The following HS1BP3 variants were observed in gnomAD, a reference collection of about 807,000 sequenced individuals.
HS1BP3 encodes the protein HCLS1-binding protein 3.
In HS1BP3, 32 loss-of-function variants were observed where a neutral mutation model predicts 33.5. The observed-to-expected ratio is 0.95, with a 90% CI of 0.72 to 1.28. The LOEUF is 1.28. Among genes scored for constraint, HS1BP3 ranks in the 50% most tolerant of loss-of-function variants. The pLI is 0.00. For missense variants in HS1BP3, 486 were observed against 502.3 expected (o/e 0.97, Z 0.31); for synonymous variants, 187 against 209.2 (o/e 0.89, Z 0.92).
rs939597723 is a variant in HS1BP3 at position 20,647,948 on chromosome 2, G to C, written c.33-2443C>G. ...GCTGTGTACTGCTCCAGAGACCATC[G>C]GAGAACATCCTAGGCTTCGCTGTCA... On this transcript the variant is annotated intron_variant, in intron 1 of 6. Transcript: ENST00000304031. Among the ~76,000 whole-genome samples, 7 of 152,238 alleles carry C rather than the reference G, an allele frequency of 4.6e-5. No homozygotes were observed. In the South Asian group the frequency reaches 1.4e-3, roughly 32 times the overall value.
At chr2:20,569,886 G>A (rs1032441992) in intron 5 of HS1BP3, among the ~76,000 whole-genome samples, 1 of 151,698 alleles carries the variant, frequency 6.6e-6, no homozygotes, top group Admixed American at 6.6e-5. Context: ...GAAAAGGCAG[G>A]CAGGTGCTGC....
chr2:20,575,095 G>A (rs1009646669), intron 5 of HS1BP3, among the ~76,000 whole-genome samples: 3 of 152,210 alleles, frequency 2.0e-5, no homozygotes, highest in Non-Finnish European at 4.4e-5. Context: ...GACAAAGCCC[G>A]GGACTTTTCT....
chr2:20,628,844 G>A (rs937021234), intron 4 of HS1BP3, among the ~76,000 whole-genome samples: 2 of 152,110 alleles, frequency 1.3e-5, no homozygotes, highest in Non-Finnish European at 2.9e-5. Flanking sequence ...GTCTGCAGCG[G>A]GCGTGACTAG....
intron 5 of HS1BP3, among the ~76,000 whole-genome samples, chr2:20,581,756 G>C (rs1035149587): frequency 3.2e-4 from 49 of 152,308 alleles, no homozygotes; most frequent in African/African-American, 1.0e-3. Context: ...GTGTCAACTG[G>C]GCTGTGATCT....
Position 20,650,795 on chromosome 2 carries a change from C to T in HS1BP3, c.32+237G>A, listed in dbSNP as rs181387509. ...ACTGAACCAGTCAGTCCCAGGGCTC[C>T]CGCTGTCCTTGGCTAGTTCTCTACC... is the stretch of plus-strand genomic sequence containing the variant. On this transcript the variant is annotated intron_variant, in intron 1 of 6. Transcript: ENST00000304031. Among the ~76,000 whole-genome samples, 9 of 152,350 alleles carry T rather than the reference C, an allele frequency of 5.9e-5. 1 individual carries two copies. In the South Asian group the frequency reaches 8.3e-4, roughly 14 times the overall value.
chr2:20,591,441 A>C (rs1240169856), downstream of HS1BP3, among the ~76,000 whole-genome samples: 1 of 152,090 alleles, frequency 6.6e-6, no homozygotes, highest in Non-Finnish European at 1.5e-5. Flanking sequence ...AGCCACAAGC[A>C]CTCGGATTCT....
At chr2:20,634,424 G>GC (rs1393673502) in intron 4 of HS1BP3, among the ~76,000 whole-genome samples, 1 of 152,246 alleles carries the variant, frequency 6.6e-6, no homozygotes, top group African/African-American at 2.4e-5. Flanking sequence ...GGTGGTCTCT[G>GC]TTGCACTGGT....
chr2:20,638,783 C>G (rs188508714), intron 3 of HS1BP3, 131 bp from the exon 4 acceptor site: 3 of 696,608 alleles, frequency 4.3e-6, no homozygotes, highest in Non-Finnish European at 7.2e-6. Context: ...GGACCAAACT[C>G]GTCCCTCCTG....
chr2:20,635,848 A>G (rs919355238), intron 4 of HS1BP3: 1 of 152,190 alleles, frequency 6.6e-6, no homozygotes, highest in Non-Finnish European at 1.5e-5. Context: ...CTAATGGTGT[A>G]ATAACGCTCT....
chr2:20,566,987 G>A (rs1693144851), intron 5 of HS1BP3, among the ~76,000 whole-genome samples: 1 of 152,104 alleles, frequency 6.6e-6, no homozygotes, highest in Non-Finnish European at 1.5e-5. Flanking sequence ...CAAGGATTGA[G>A]TTTCTCCTAC....
intron 5 of HS1BP3, among the ~76,000 whole-genome samples, chr2:20,562,126 G>A (rs574273672): frequency 2.0e-5 from 3 of 152,166 alleles, no homozygotes; most frequent in Admixed American, 1.3e-4. Flanking sequence ...CCCATGCCTC[G>A]CCCTAGGCAT....
downstream of HS1BP3, among the ~76,000 whole-genome samples, chr2:20,614,353 G>A (rs1293061406): frequency 6.6e-6 from 1 of 152,206 alleles, no homozygotes; most frequent in Non-Finnish European, 1.5e-5. Context: ...TCCAGGAAAT[G>A]GAACAAAAGC....
At chr2:20,554,417 C>T in the HS1BP3 span, among the ~76,000 whole-genome samples, 4,381 of 152,292 alleles carry the variant, frequency 0.029, 114 homozygotes, top group Non-Finnish European at 0.046. Context: ...AACAAACACG[C>T]ACAAAGCTTA....
Position 20,611,143 on chromosome 2 carries a change from G to C in HS1BP3, c.178+12753C>G, listed in dbSNP as rs12999289. The stretch of plus-strand genomic sequence containing the variant: ...TGTTAGAGGGTTTTTCCTTTTTGAC[G>C]CTGCACAGCATTCCGCTGCATCCAT... On this transcript the variant is annotated intron_variant, in intron 2 of 3. Coordinates refer to the HS1BP3 transcript ENST00000415264. This position sits in a 1 kb window ranked among gnomAD's most constrained non-coding sequence, Gnocchi z 4.9. 1.3e-5 allele frequency among the ~76,000 whole-genome samples: 2 copies of C among 152,134 alleles called. No individual in the cohort carries two copies. Among genetic ancestry groups the C allele is most frequent in the Non-Finnish European group, 2.9e-5 (2 of 68,030 alleles).
intron 1 of HS1BP3, among the ~76,000 whole-genome samples, chr2:20,649,704 C>T (rs968885327): frequency 2.0e-5 from 3 of 152,140 alleles, no homozygotes; most frequent in African/African-American, 7.2e-5. Context: ...TGGGAAGGGC[C>T]GGCCTTGCTG....
intron 4 of HS1BP3, chr2:20,637,915 T>A (rs1039757400): frequency 6.1e-6 from 1 of 165,254 alleles, no homozygotes; most frequent in Non-Finnish European, 1.3e-5. Flanking sequence ...AAGAGGTTGA[T>A]ACGACCATGA....
chr2:20,559,258 T>C (rs1378357787), downstream of HS1BP3, among the ~76,000 whole-genome samples: 1 of 152,152 alleles, frequency 6.6e-6, no homozygotes, highest in Non-Finnish European at 1.5e-5. Context: ...TCCAGGCAGG[T>C]TGGAATTGCA....
chr2:20,651,050 G>C lies in HS1BP3; in HGVS notation c.14C>G (p.Ala5Gly). Residue 5 changes from alanine to glycine, a missense_variant, in exon 1 of 7, where the codon GCG becomes GGG. Transcript: ENST00000304031. ...GGCTCACCTGGAGGTGACGAGCACC[G>C]CCGGGGACTGCATGACGGCGGCGGG... is the stretch of plus-strand genomic sequence containing the variant. MQSPAVLVTSRRLQN... is the reference protein window; with the variant it reads MQSPGVLVTSRRLQN... 8.1e-7 allele frequency: 1 copy of C among 1,238,668 alleles called. No individual in the cohort carries two copies. Among genetic ancestry groups the C allele is most frequent in the Non-Finnish European group, 1.0e-6 (1 of 991,870 alleles). The allele number at this position is 1,238,668 out of a possible 1,614,324, so 76.7% of individuals were successfully genotyped here. A position where few individuals can be genotyped will look rare whatever the true frequency, so the allele number is the denominator to read the frequency against.
chr2:20,639,638 A>G (rs1695277668), intron 3 of HS1BP3, among the ~76,000 whole-genome samples: 1 of 152,244 alleles, frequency 6.6e-6, no homozygotes, highest in African/African-American at 2.4e-5. Context: ...AAAGCCATTC[A>G]AAATCTCCCA....
Sources: allele counts gnomAD v4.1 joint callset (sites outside exome capture counted in the v4.1 genomes callset), GRCh38; gene constraint gnomAD v4.1.1; non-coding constraint Gnocchi (gnomAD v3.1); transcripts MANE v1.5; gene names NCBI Gene and HGNC (gene_info 2026-07-23, HGNC 2026-07-21).